Variants in CRAMP1 observed in about 807,000 individuals in gnomAD.
The protein encoded by CRAMP1 is protein cramped-like.
A neutral mutation model predicts 115.4 loss-of-function variants in CRAMP1; 50 were observed. That is an observed-to-expected ratio of 0.43 (90% CI 0.35 to 0.55). CRAMP1 has a LOEUF of 0.55. CRAMP1 is among the 20% of genes least tolerant of loss of function. CRAMP1 has a pLI of 0.01. For missense variants in CRAMP1, 1,679 were observed against 1,721.7 expected (o/e 0.98, Z 0.44); for synonymous variants, 866 against 745.4 (o/e 1.16, Z -2.64).
chr16:1,667,233 A>AGGGGGATG, intron 16 of CRAMP1, 102 bp from the exon 17 acceptor site: 3 of 867,776 alleles, frequency 3.5e-6, no homozygotes, highest in Non-Finnish European at 5.7e-6. Context: ...TTAGGAGGCC[A>AGGGGGATG]GGGGGATGGA....
chr16:1,675,842 T>G lies in CRAMP1; in HGVS notation c.*1797T>G, dbSNP rs1408151469. ...TGAAAAAAGAAACATGCCACTTGATTAGGAGAGAGACAGCAGTGTTTGAAC... is the reference window on the plus strand; with the variant it reads ...TGAAAAAAGAAACATGCCACTTGATGAGGAGAGAGACAGCAGTGTTTGAAC... On this transcript the variant is annotated 3_prime_UTR_variant, in exon 21 of 21. Coordinates refer to ENST00000397412, the MANE Select transcript of CRAMP1 (RefSeq NM_020825.4). 6.6e-6 allele frequency: 1 copy of G among 152,266 alleles called. No individual in the cohort carries two copies. Among genetic ancestry groups the G allele is most frequent in the Non-Finnish European group, 1.5e-5 (1 of 68,058 alleles). 9.4% of individuals were successfully genotyped at this position (152,266 alleles called of 1,614,324 possible).
At chr16:1,625,005 G>A (rs1018459136) in intron 2 of CRAMP1, among the ~76,000 whole-genome samples, 1 of 152,206 alleles carries the variant, frequency 6.6e-6, no homozygotes, top group Non-Finnish European at 1.5e-5. Context: ...GGGATTACAG[G>A]AGTGAGCCAC....
At chr16:1,619,666 C>T (rs2036450087) in intron 2 of CRAMP1, among the ~76,000 whole-genome samples, 1 of 152,164 alleles carries the variant, frequency 6.6e-6, no homozygotes. Flanking sequence ...GTATTTCTCT[C>T]AAATATTTGT....
Position 1,632,308 on chromosome 16 carries a change from C to T in CRAMP1, c.637C>T (p.Arg213Cys), listed in dbSNP as rs1447922714. 2 of 1,601,112 alleles carry T rather than the reference C, an allele frequency of 1.2e-6. No homozygotes were observed. Among genetic ancestry groups the T allele is most frequent in the Admixed American group, 1.7e-5 (1 of 57,866 alleles). The change falls in exon 4 of 21, where the codon CGC (arginine) becomes TGC (cysteine). Residue 213 changes from arginine to cysteine, a missense_variant. Physicochemically the swap from Arg to Cys is radical, Grantham distance 180. Transcript: ENST00000397412. ...ASMVKNKEQV[R>C]HFYYRTWHKI... ...CATGGTGAAGAACAAGGAGCAGGTC[C>T]GCCACTTCTACTACCGCACCTGGCA...
At chr16:1,655,064 G>A (rs1184405624) in intron 8 of CRAMP1, among the ~76,000 whole-genome samples, 155 bp from the exon 9 acceptor site, 1 of 152,236 alleles carries the variant, frequency 6.6e-6, no homozygotes, top group Admixed American at 6.5e-5. Flanking sequence ...TTAGCCACAG[G>A]AGCCAAGGGC....
At position 1,669,626 on chromosome 16, in the gene CRAMP1, C is replaced by T. The variant is rs1003240240; in HGVS notation, c.3499+461C>T. Among the ~76,000 whole-genome samples the T allele has an allele frequency of 1.2e-4, 19 of 152,192 alleles. No individual in the cohort carries two copies. Among genetic ancestry groups the T allele is most frequent in the African/African-American group, 3.6e-4 (15 of 41,442 alleles). On this transcript the variant is annotated intron_variant, in intron 19 of 20. Transcript: ENST00000397412. The surrounding 1 kb of genome is among the most constrained non-coding windows in gnomAD (Gnocchi z 4.6). The stretch of plus-strand genomic sequence containing the variant: ...ACCTGGCACATTCTTGAATATAGAT[C>T]GGAGAGTTCAGAGGACGTGTCCATC...
At chr16:1,613,128 G>T (rs904127150) in intron 1 of CRAMP1, among the ~76,000 whole-genome samples, 3 of 152,160 alleles carry the variant, frequency 2.0e-5, no homozygotes, top group African/African-American at 7.2e-5. Context: ...GGTCTTTGGG[G>T]GTTTAGGTTT....
Position 1,614,742 on chromosome 16 carries a change from G to A in CRAMP1, c.103G>A (p.Gly35Ser), listed in dbSNP as rs1343092066. The A allele has an allele frequency of 4.3e-5, 59 of 1,368,332 alleles. No individual in the cohort carries two copies. The highest frequency in any genetic ancestry group is 5.4e-5 in the Non-Finnish European group (57 of 1,048,754). The allele number at this position is 1,368,332 out of a possible 1,614,324, so 84.8% of individuals were successfully genotyped here. The change falls in exon 2 of 21, where the codon GGC becomes AGC. Residue 35 changes from glycine (G) to serine (S), a missense_variant. By Grantham distance (56) the Gly-to-Ser change is moderately conservative. Around this residue, in one of 8 missense-constraint regions of CRAMP1, gnomAD observed 264 missense variants for 229.7 expected, o/e 1.15. Coordinates refer to ENST00000397412, the MANE Select transcript of CRAMP1 (RefSeq NM_020825.4). The surrounding 1 kb of genome is among the most constrained non-coding windows in gnomAD (Gnocchi z 4.4). ...GTCCCTGGAAGGAGAAGGGGCCGGC[G>A]GCGCAGACGCGGCCGAGGAGAGCAG... ...EESLEGEGAGGADAAEESSGT... is the reference protein window; with the variant it reads ...EESLEGEGAGSADAAEESSGT...
intron 19 of CRAMP1, 129 bp from the exon 20 acceptor site, chr16:1,670,535 C>A: frequency 3.1e-6 from 3 of 967,580 alleles, no homozygotes; most frequent in South Asian, 3.1e-5. Flanking sequence ...GCTCTTCGCA[C>A]AAGTCTGGAT....
Position 1,670,823 on chromosome 16 carries a change from C to T in CRAMP1, c.3645+14C>T, listed in dbSNP as rs2036916174. On this transcript the variant is annotated intron_variant, in intron 20 of 20. Transcript: ENST00000397412. Reference sequence around the variant, plus strand: ...GACGTTGCAGAGGTGAGTGCATTGACCTCACAGCTGCACCTGACCACCAAC... The same window carrying T: ...GACGTTGCAGAGGTGAGTGCATTGATCTCACAGCTGCACCTGACCACCAAC... The T allele has an allele frequency of 6.2e-7, 1 of 1,612,478 alleles. No homozygotes were observed. Among genetic ancestry groups the T allele is most frequent in the Admixed American group, 1.7e-5 (1 of 59,966 alleles).
rs369558593 is a variant in CRAMP1 at position 1,651,415 on chromosome 16, CAG to C, written c.828-1078_828-1077del. ...GTCACGGAGAGGTGGACTGAGGTCA[CAG>C]AGGTCACCTAGAGGTGAATTGTCAC... On this transcript the variant is annotated intron_variant, in intron 6 of 20. Transcript: ENST00000397412. Among the ~76,000 whole-genome samples, 68 of 149,838 alleles carry C rather than the reference CAG, an allele frequency of 4.5e-4. 1 individual carries two copies. The highest frequency in any genetic ancestry group is 1.5e-3 in the African/African-American group (61 of 40,528).
intron 5 of CRAMP1, among the ~76,000 whole-genome samples, chr16:1,638,744 G>A (rs929729762): frequency 6.6e-6 from 1 of 152,110 alleles, no homozygotes; most frequent in Admixed American, 6.5e-5. Context: ...GCGGGTGGTG[G>A]GGCTGAGAGG....
Position 1,671,730 on chromosome 16 carries a change from C to T in CRAMP1, c.3645+921C>T, listed in dbSNP as rs2036925150. The stretch of plus-strand genomic sequence containing the variant: ...TTGTGGGTAGATACTTGAGGGACAC[C>T]CTGGATCCAAAAAAGCTCAAAACAG... On this transcript the variant is annotated intron_variant, in intron 20 of 20. Transcript: ENST00000397412. This position sits in a 1 kb window ranked among gnomAD's most constrained non-coding sequence, Gnocchi z 5.0. 6.6e-6 allele frequency among the ~76,000 whole-genome samples: 1 copy of T among 152,030 alleles called. No homozygotes were observed. The highest frequency in any genetic ancestry group is 1.5e-5 in the Non-Finnish European group (1 of 68,000).
At chr16:1,645,763 T>G (rs1357972482) in intron 6 of CRAMP1, among the ~76,000 whole-genome samples, 1 of 152,226 alleles carries the variant, frequency 6.6e-6, no homozygotes, top group African/African-American at 2.4e-5. Context: ...TCTCTCTAGC[T>G]GCACCTTTCC....
In CRAMP1 at chr16:1,641,165, CTGAA is replaced by C; in HGVS notation, c.810_813del (p.Glu271SerfsTer26). The C allele has an allele frequency of 6.2e-7, 1 of 1,611,742 alleles. No homozygotes were observed. Among genetic ancestry groups the C allele is most frequent in the Non-Finnish European group, 8.5e-7 (1 of 1,177,932 alleles). On this transcript the variant is annotated frameshift_variant, in exon 6 of 21. Transcript: ENST00000397412. LOFTEE classifies it high-confidence loss of function. ...TATGGATGACAAGAATGCAACAAAG[CTGAA>C]TGAACTCATTCAGGTTGGGTAAGTC...
chr16:1,673,497 C>T (rs2036939804), intron 20 of CRAMP1, among the ~76,000 whole-genome samples: 1 of 152,046 alleles, frequency 6.6e-6, no homozygotes, highest in South Asian at 2.1e-4. Flanking sequence ...CCTCTCTGGC[C>T]TCCTTTTCCC....
chr16:1,658,279 G>A (rs945065969), intron 10 of CRAMP1, among the ~76,000 whole-genome samples: 4 of 152,152 alleles, frequency 2.6e-5, no homozygotes, highest in African/African-American at 7.2e-5. Context: ...AAAGTGGCTC[G>A]GGGGTCGCAT....
chr16:1,625,917 C>G, intron 2 of CRAMP1, 56 bp from the exon 3 acceptor site: 1 of 1,533,808 alleles, frequency 6.5e-7, no homozygotes, highest in Non-Finnish European at 8.8e-7. Flanking sequence ...GCCCTCTACC[C>G]TGCCCAGCCC....
chr16:1,635,668 A>G (rs1187003380), intron 4 of CRAMP1, among the ~76,000 whole-genome samples: 2 of 152,196 alleles, frequency 1.3e-5, no homozygotes, highest in African/African-American at 2.4e-5. Context: ...AGTGGACTTT[A>G]AAATATATAT....
Sources: gnomAD v4.1 joint callset for allele counts (sites outside exome capture counted in the v4.1 genomes callset) on GRCh38, gnomAD v4.1.1 for gene constraint, gnomAD v4.1.1 regional missense constraint, Gnocchi (gnomAD v3.1) non-coding constraint, MANE v1.5 for transcripts, NCBI Gene and HGNC (gene_info 2026-07-23, HGNC 2026-07-21) for gene names.